SLC35E3: variants seen among roughly 807,000 people sequenced by gnomAD.
SLC35E3 encodes the protein bladder cancer-overexpressed gene 1 protein.
In SLC35E3, 28 loss-of-function variants were observed where a neutral mutation model predicts 30.8. The ratio of observed to expected loss-of-function variants is 0.91; its 90% CI spans 0.67 to 1.25. The LOEUF (loss-of-function observed/expected upper bound fraction) is 1.25, where lower values mean the gene tolerates loss of function less well. SLC35E3 is among the 50% of genes most tolerant of loss of function. SLC35E3 has a pLI of 0.00. For synonymous variants in SLC35E3, 146 were observed against 149.2 expected, an observed-to-expected ratio of 0.98 and a Z score of 0.16; for missense variants, 365 against 375.4, an observed-to-expected ratio of 0.97 and a Z score of 0.23.
At position 68,778,202 on chromosome 12, in the gene SLC35E3, A is replaced by G. The variant is rs1879793714; in HGVS notation, c.*13312A>G. On this transcript the variant is annotated 3_prime_UTR_variant, in exon 5 of 5. Transcript: ENST00000398004. Reference sequence around the variant, plus strand: ...AGAATTTGAGGCAAAAAGTGTTAATAGGATCAAGATTTTTTTTTTTAAAGA... The same window carrying G: ...AGAATTTGAGGCAAAAAGTGTTAATGGGATCAAGATTTTTTTTTTTAAAGA... 6.6e-6 allele frequency: 1 copy of G among 152,170 alleles called. No individual in the cohort carries two copies. Among genetic ancestry groups the G allele is most frequent in the African/African-American group, 2.4e-5 (1 of 41,462 alleles). 9.4% of individuals were successfully genotyped at this position (152,170 alleles called of 1,614,324 possible). A position where few individuals can be genotyped will look rare whatever the true frequency, so the allele number is the denominator to read the frequency against.
chr12:68,771,062 T>G lies in SLC35E3; in HGVS notation c.*6172T>G, dbSNP rs1271919279. Reference sequence around the variant, plus strand: ...GCTGAGGCAGTCAGATCACTTCAGATCAGGAGTTTGAGACCAGCCTGACCA... The same window carrying G: ...GCTGAGGCAGTCAGATCACTTCAGAGCAGGAGTTTGAGACCAGCCTGACCA... On this transcript the variant is annotated 3_prime_UTR_variant, in exon 5 of 5. Transcript: ENST00000398004. The G allele has an allele frequency of 6.6e-6, 1 of 152,170 alleles. No homozygotes were observed. The highest frequency in any genetic ancestry group is 2.4e-5 in the African/African-American group (1 of 41,356). The allele number at this position is 152,170 out of a possible 1,614,324, so 9.4% of individuals were successfully genotyped here.
At chr12:68,754,687 T>G (rs1258582839) in intron 3 of SLC35E3, among the ~76,000 whole-genome samples, 3 of 152,042 alleles carry the variant, frequency 2.0e-5, no homozygotes, top group African/African-American at 7.3e-5. Flanking sequence ...TGTGTTCTCA[T>G]GTACTGATAA....
At chr12:68,754,793 T>C (rs1302368963) in intron 3 of SLC35E3, among the ~76,000 whole-genome samples, 2 of 151,370 alleles carry the variant, frequency 1.3e-5, no homozygotes, top group African/African-American at 4.9e-5. Flanking sequence ...AGTGTCTGGC[T>C]ATGTTGCCCA....
At position 68,766,619 on chromosome 12, in the gene SLC35E3, C is replaced by T. The variant is rs950750617; in HGVS notation, c.*1729C>T. On this transcript the variant is annotated 3_prime_UTR_variant, in exon 5 of 5. Transcript: ENST00000398004. ...TTTTATTTTCTTATTTTTTGTCTTA[C>T]AGTCGACCAGGCTGGAATGCAGTGG... 4.3e-6 allele frequency: 1 copy of T among 233,680 alleles called. No individual in the cohort carries two copies. The highest frequency in any genetic ancestry group is 2.3e-5 in the African/African-American group (1 of 42,934). 14.5% of individuals were successfully genotyped at this position (233,680 alleles called of 1,614,324 possible).
chr12:68,751,256 G>A lies in SLC35E3; in HGVS notation c.514-776G>A, dbSNP rs578000127. On this transcript the variant is annotated intron_variant, in intron 2 of 4. Transcript: ENST00000398004. ...ACACATTGGCAACCATCTCTAACCT[G>A]CCCCCATGCCCCATTGTCATCGTGT... is the stretch of plus-strand genomic sequence containing the variant. Among the ~76,000 whole-genome samples the A allele has an allele frequency of 1.3e-4, 19 of 150,116 alleles. No individual in the cohort carries two copies. In the South Asian group the frequency reaches 3.6e-3, roughly 28 times the overall value.
chr12:68,750,658 C>A (rs138595667), intron 2 of SLC35E3, among the ~76,000 whole-genome samples: 2 of 152,190 alleles, frequency 1.3e-5, no homozygotes, highest in Admixed American at 1.3e-4. Flanking sequence ...GGCGAAGACA[C>A]GCGGCTGCCT....
intron 4 of SLC35E3, chr12:68,759,916 C>CACCATG: frequency 6.6e-6 from 1 of 152,258 alleles, no homozygotes. Context: ...TTTCTAGTAA[C>CACCATG]AAAGTAGAGG....
chr12:68,759,977 T>A (rs1254192708), intron 4 of SLC35E3: 1 of 152,386 alleles, frequency 6.6e-6, no homozygotes, highest in Admixed American at 6.6e-5. Context: ...CATCTGGCTA[T>A]GGAGTATGTG....
rs1172997626 is a variant in SLC35E3, at chr12:68,771,133, G to A, written c.*6243G>A. ...TACTAAAAGTACAAAAATTAGCTGT[G>A]TGCGGTGGTGCATGCCTATAATCCC... is the stretch of plus-strand genomic sequence containing the variant. On this transcript the variant is annotated 3_prime_UTR_variant, in exon 5 of 5. Transcript: ENST00000398004. 6.6e-6 allele frequency: 1 copy of A among 152,152 alleles called. No individual in the cohort carries two copies. The highest frequency in any genetic ancestry group is 1.5e-5 in the Non-Finnish European group (1 of 68,126). The allele number at this position is 152,152 out of a possible 1,614,324, so 9.4% of individuals were successfully genotyped here.
At chr12:68,748,080 T>G in intron 2 of SLC35E3, 40 bp downstream of exon 2, 1 of 1,127,466 alleles carries the variant, frequency 8.9e-7, no homozygotes, top group Non-Finnish European at 1.3e-6. Flanking sequence ...TTTTAGCAGA[T>G]TTCATAAATT....
intron 3 of SLC35E3, among the ~76,000 whole-genome samples, chr12:68,756,977 T>A (rs1164050839): frequency 6.6e-6 from 1 of 152,234 alleles, no homozygotes; most frequent in African/African-American, 2.4e-5. Flanking sequence ...ATCGTGCCAC[T>A]GCACTCCAGC....
In SLC35E3 at chr12:68,778,535, A is replaced by T. The variant is rs545795900; in HGVS notation, c.*13645A>T. The T allele has an allele frequency of 1.0e-3, 159 of 152,336 alleles. 1 individual carries two copies. Among genetic ancestry groups the T allele is most frequent in the African/African-American group, 3.8e-3 (156 of 41,582 alleles). The allele number at this position is 152,336 out of a possible 1,614,324, so 9.4% of individuals were successfully genotyped here. On this transcript the variant is annotated 3_prime_UTR_variant, in exon 5 of 5. Coordinates refer to ENST00000398004, the MANE Select transcript of SLC35E3 (RefSeq NM_018656.5). The stretch of plus-strand genomic sequence containing the variant: ...CCAGGCGTGGTGACTCATGCCTGTA[A>T]TCTCAGCACTTTGCAAGGCCGAAGC...
intron 2 of SLC35E3, 147 bp downstream of exon 2, chr12:68,748,187 G>C: frequency 1.8e-6 from 1 of 557,628 alleles, no homozygotes; most frequent in Non-Finnish European, 3.2e-6. Flanking sequence ...TCAAGGTGAA[G>C]AGAAGAAAGG....
rs919814190 is a variant in SLC35E3 at position 68,780,303 on chromosome 12, G to C, written c.*15413G>C. On this transcript the variant is annotated 3_prime_UTR_variant, in exon 5 of 5. Coordinates refer to ENST00000398004, the MANE Select transcript of SLC35E3 (RefSeq NM_018656.5). ...CCCGCCTCAGCCTCCCAAGTAGCTGGGACTACAGGCATGCACCACCACACC... is the reference window on the plus strand; with the variant it reads ...CCCGCCTCAGCCTCCCAAGTAGCTGCGACTACAGGCATGCACCACCACACC... 7 of 151,826 alleles carry C rather than the reference G, an allele frequency of 4.6e-5. No homozygotes were observed. The highest frequency in any genetic ancestry group is 9.7e-5 in the African/African-American group (4 of 41,304). 9.4% of individuals were successfully genotyped at this position (151,826 alleles called of 1,614,324 possible).
chr12:68,752,356 T>A (rs922425402), intron 3 of SLC35E3, among the ~76,000 whole-genome samples, 166 bp downstream of exon 3: 2 of 152,118 alleles, frequency 1.3e-5, no homozygotes, highest in Admixed American at 6.6e-5. Context: ...GATGAAGAAA[T>A]TGAGGTACAC....
chr12:68,762,409 G>T (rs924403502), intron 4 of SLC35E3, among the ~76,000 whole-genome samples: 4 of 152,094 alleles, frequency 2.6e-5, no homozygotes, highest in African/African-American at 9.7e-5. Context: ...GGAGGAGGCG[G>T]GGTCGGTGTC....
intron 1 of SLC35E3, among the ~76,000 whole-genome samples, 187 bp downstream of exon 1, chr12:68,746,966 T>C (rs1878607185): frequency 6.6e-6 from 1 of 152,160 alleles, no homozygotes; most frequent in Admixed American, 6.5e-5. Context: ...CCCAGAAGAG[T>C]GGGCATGTGT....
In SLC35E3 at chr12:68,752,777, G is replaced by A. The variant is rs1878852944; in HGVS notation, c.672+587G>A. 7.9e-5 allele frequency among the ~76,000 whole-genome samples: 12 copies of A among 151,894 alleles called. No individual in the cohort carries two copies. The South Asian group carries it at 2.5e-3, about 31-fold the overall frequency. On this transcript the variant is annotated intron_variant, in intron 3 of 4. Coordinates refer to ENST00000398004, the MANE Select transcript of SLC35E3 (RefSeq NM_018656.5). ...TCCTGGGAATTTGGGAGGCTGAGGCGGGTGGATCACTTGTCAGGAGTTCAA... is the reference window on the plus strand; with the variant it reads ...TCCTGGGAATTTGGGAGGCTGAGGCAGGTGGATCACTTGTCAGGAGTTCAA...
At chr12:68,764,150 A>ACCTT (rs554810702) in intron 4 of SLC35E3, among the ~76,000 whole-genome samples, 33 of 152,214 alleles carry the variant, frequency 2.2e-4, no homozygotes, top group Middle Eastern at 3.4e-3. Flanking sequence ...TGTACAAAAT[A>ACCTT]CCTTCCCTGG....
Sources: allele counts gnomAD v4.1 joint callset (sites outside exome capture counted in the v4.1 genomes callset), GRCh38; gene constraint gnomAD v4.1.1; transcripts MANE v1.5; gene names NCBI Gene and HGNC (gene_info 2026-07-23, HGNC 2026-07-21).